Variants in ANKRD30BL observed in about 807,000 individuals in gnomAD.
The protein encoded by ANKRD30BL is putative ankyrin repeat domain-containing protein 30B-like.
ANKRD30BL carries 20 observed loss-of-function variants against 18.4 expected under a neutral mutation model. The observed-to-expected ratio is 1.09, with a 90% CI of 0.77 to 1.58. The LOEUF is 1.58. Ranked by LOEUF, ANKRD30BL falls within the 40% of genes most tolerant of loss-of-function variation. The probability of loss-of-function intolerance (pLI) is 0.00; values close to 1 mark genes in which losing one functional copy is unlikely to be tolerated. For missense variants in ANKRD30BL, 224 were observed against 268.6 expected (o/e 0.83, Z 1.16); for synonymous variants, 72 against 100.9 (o/e 0.71, Z 1.72).
intron 1 of ANKRD30BL, among the ~76,000 whole-genome samples, chr2:132,246,094 T>G (rs1240889184): frequency 6.7e-6 from 1 of 149,644 alleles, no homozygotes; most frequent in Non-Finnish European, 1.5e-5. Context: ...GATATTTGGA[T>G]AGATTGACGC....
intron 1 of ANKRD30BL, among the ~76,000 whole-genome samples, chr2:132,189,368 A>T (rs1678795273): frequency 6.6e-6 from 1 of 152,198 alleles, no homozygotes; most frequent in Non-Finnish European, 1.5e-5. Context: ...TTTGACTATG[A>T]CACAGAGATT....
At chr2:132,164,880 G>A (rs1688157664), upstream of ANKRD30BL, among the ~76,000 whole-genome samples, 1 of 151,998 alleles carries the variant, frequency 6.6e-6, no homozygotes, top group Non-Finnish European at 1.5e-5. Flanking sequence ...GACCATCCTG[G>A]CTACACGGTG....
intron 1 of ANKRD30BL, among the ~76,000 whole-genome samples, chr2:132,214,617 T>A (rs1019770250): frequency 7.9e-5 from 12 of 152,052 alleles, no homozygotes; most frequent in African/African-American, 1.2e-4. Context: ...TTTTGTACTA[T>A]CTGCAAGTGG....
At chr2:132,217,496 A>T (rs980694825) in intron 1 of ANKRD30BL, among the ~76,000 whole-genome samples, 10 of 152,104 alleles carry the variant, frequency 6.6e-5, no homozygotes, top group Non-Finnish European at 1.3e-4. Flanking sequence ...CATTCAACTC[A>T]CAGAGTTGAA....
intron 1 of ANKRD30BL, among the ~76,000 whole-genome samples, chr2:132,233,726 C>T (rs1308970552): frequency 6.9e-6 from 1 of 145,754 alleles, no homozygotes; most frequent in East Asian, 2.0e-4. Context: ...GACTCCCACA[C>T]ATTAATAATG....
intron 1 of ANKRD30BL, among the ~76,000 whole-genome samples, chr2:132,251,947 C>A (rs965383932): frequency 3.5e-4 from 54 of 152,184 alleles, no homozygotes; most frequent in Non-Finnish European, 6.8e-4. Flanking sequence ...CATGGAGAGA[C>A]CTTGTGAAGC....
At chr2:132,248,817 G>A (rs370621878) in intron 1 of ANKRD30BL, among the ~76,000 whole-genome samples, 1 of 150,898 alleles carries the variant, frequency 6.6e-6, no homozygotes, top group African/African-American at 2.4e-5. Context: ...TCAGAGAGCT[G>A]ACAAATATAC....
intron 1 of ANKRD30BL, among the ~76,000 whole-genome samples, chr2:132,198,296 C>T (rs1355033199): frequency 5.6e-3 from 63 of 11,302 alleles, no homozygotes; most frequent in African/African-American, 0.013. Context: ...TTCTTTCTTT[C>T]TTTCTTTCTT....
chr2:132,204,436 T>A lies in ANKRD30BL; in HGVS notation n.442-47290A>T, dbSNP rs551204055. Among the ~76,000 whole-genome samples, 5 of 128,536 alleles carry A rather than the reference T, an allele frequency of 3.9e-5. No individual in the cohort carries two copies. The South Asian group carries it at 7.1e-4, about 18-fold the overall frequency. The allele number at this position is 128,536 out of a possible 152,430, so 84.3% of individuals were successfully genotyped here. ...ATAGTATATAGCATGTCTATACTTA[T>A]ACTATATACATACATATAGTGTGTA... On this transcript the variant is annotated intron_variant and non_coding_transcript_variant, in intron 1 of 4. Coordinates refer to the ANKRD30BL transcript ENST00000470729.
intron 4 of ANKRD30BL, among the ~76,000 whole-genome samples, chr2:132,153,185 G>A (rs1687806584): frequency 6.6e-6 from 1 of 152,056 alleles, no homozygotes; most frequent in South Asian, 2.1e-4. Flanking sequence ...TTGTACAAAA[G>A]GAATGTCTTC....
intron 1 of ANKRD30BL, among the ~76,000 whole-genome samples, chr2:132,207,627 A>G (rs1679235615): frequency 6.6e-6 from 1 of 152,158 alleles, no homozygotes; most frequent in Admixed American, 6.6e-5. Context: ...GGGAAAGAAC[A>G]TGATAGAAAT....
chr2:132,256,667 C>T (rs1680850155), intron 1 of ANKRD30BL, among the ~76,000 whole-genome samples: 1 of 152,232 alleles, frequency 6.6e-6, no homozygotes, highest in East Asian at 1.9e-4. Context: ...ACCCTCTTCC[C>T]TGCACACACT....
At chr2:132,154,614 A>T in intron 4 of ANKRD30BL, 48 bp downstream of exon 4, 1 of 572,702 alleles carries the variant, frequency 1.7e-6, no homozygotes, top group South Asian at 2.3e-5. Flanking sequence ...GAGAGTTATT[A>T]CTCTAGCACA....
chr2:132,155,500 A>C (rs1687877865), intron 3 of ANKRD30BL: 1 of 152,182 alleles, frequency 6.6e-6, no homozygotes, highest in Non-Finnish European at 1.5e-5. Context: ...AGTGGCTCTA[A>C]ATTAAAAGAG....
chr2:132,177,469 A>T (rs1208584368), intron 1 of ANKRD30BL, among the ~76,000 whole-genome samples: 1 of 152,192 alleles, frequency 6.6e-6, no homozygotes, highest in African/African-American at 2.4e-5. Flanking sequence ...TATTTTTAAA[A>T]GATTAAAGGT....
At chr2:132,203,650 A>T (rs1679153932) in intron 1 of ANKRD30BL, among the ~76,000 whole-genome samples, 1 of 152,016 alleles carries the variant, frequency 6.6e-6, no homozygotes, top group Admixed American at 6.6e-5. Context: ...AATACAATGG[A>T]TATTAGTGTG....
At chr2:132,169,234 A>T (rs1052457140) in intron 1 of ANKRD30BL, among the ~76,000 whole-genome samples, 1 of 152,246 alleles carries the variant, frequency 6.6e-6, no homozygotes, top group Non-Finnish European at 1.5e-5. Flanking sequence ...GGCTAAAATA[A>T]ATTGGGTTTC....
At chr2:132,193,630 C>T (rs573792670) in intron 1 of ANKRD30BL, among the ~76,000 whole-genome samples, 54 of 152,290 alleles carry the variant, frequency 3.5e-4, no homozygotes, top group Middle Eastern at 3.4e-3. Flanking sequence ...CCTGGAGAAA[C>T]GTTCTAAAGA....
At chr2:132,196,756 G>A (rs200468578) in intron 1 of ANKRD30BL, among the ~76,000 whole-genome samples, 5 of 151,466 alleles carry the variant, frequency 3.3e-5, no homozygotes, top group African/African-American at 9.7e-5. Context: ...GCAGTGAACC[G>A]AGATCATGCC....
Sources: gnomAD v4.1 joint callset for allele counts (sites outside exome capture counted in the v4.1 genomes callset) on GRCh38, gnomAD v4.1.1 for gene constraint, MANE v1.5 for transcripts, NCBI Gene and HGNC (gene_info 2026-07-23, HGNC 2026-07-21) for gene names.